The following FRMD4A variants were observed in gnomAD, a reference collection of about 807,000 sequenced individuals.
FRMD4A encodes FERM domain containing 4A.
Under a neutral mutation model 129.1 loss-of-function variants are expected in FRMD4A, and 29 were observed. That is an observed-to-expected ratio of 0.22 (90% CI 0.17 to 0.31). The LOEUF (loss-of-function observed/expected upper bound fraction) is 0.31, where lower values mean the gene tolerates loss of function less well. Ranked by LOEUF, FRMD4A falls within the 10% of genes least tolerant of loss-of-function variation. The pLI is 1.00. For missense variants in FRMD4A, 1,272 were observed against 1,375.8 expected, an observed-to-expected ratio of 0.92 and a Z score of 1.19; for synonymous variants, 634 against 571.6, an observed-to-expected ratio of 1.11 and a Z score of -1.56.
intron 2 of FRMD4A, among the ~76,000 whole-genome samples, chr10:14,019,367 C>T (rs375743933): frequency 2.6e-5 from 4 of 152,198 alleles, no homozygotes; most frequent in South Asian, 2.1e-4. Context: ...ATTATCAACT[C>T]CAGGAAAAAC....
chr10:14,230,319 C>T (rs374642073), intron 2 of FRMD4A, among the ~76,000 whole-genome samples: 3 of 152,176 alleles, frequency 2.0e-5, no homozygotes, highest in South Asian at 2.1e-4. Flanking sequence ...TTCCTGTAGA[C>T]CTGGGTTTGA....
At chr10:13,891,493 A>ATACG in intron 2 of FRMD4A, 1 of 588,018 alleles carries the variant, frequency 1.7e-6, no homozygotes, top group Non-Finnish European at 2.1e-6. Flanking sequence ...CGCGAAATAA[A>ATACG]CGACTCCAGG....
intron 18 of FRMD4A, among the ~76,000 whole-genome samples, chr10:13,663,856 C>T (rs534130809): frequency 2.0e-5 from 3 of 152,260 alleles, no homozygotes; most frequent in African/African-American, 4.8e-5. Context: ...AAACCCAGGG[C>T]GTGTACCAGC....
chr10:13,862,869 C>G (rs946939334), intron 2 of FRMD4A, among the ~76,000 whole-genome samples: 2 of 152,068 alleles, frequency 1.3e-5, no homozygotes, highest in African/African-American at 4.8e-5. Flanking sequence ...TTGCCAGGCA[C>G]TCTGAAGTTT....
intron 4 of FRMD4A, among the ~76,000 whole-genome samples, chr10:13,804,620 T>G (rs7393441): frequency 2.0e-5 from 3 of 151,660 alleles, no homozygotes; most frequent in Non-Finnish European, 4.4e-5. Flanking sequence ...CTTGGCTCAC[T>G]GCAATCTCCC....
In FRMD4A at chr10:14,042,242, C is replaced by T. The variant is rs139204295; in HGVS notation, c.46-183330G>A. 2.7e-3 allele frequency among the ~76,000 whole-genome samples: 409 copies of T among 152,344 alleles called. 3 individuals carry two copies. The highest frequency in any genetic ancestry group is 9.3e-3 in the African/African-American group (386 of 41,576). On this transcript the variant is annotated intron_variant, in intron 2 of 24. Coordinates refer to ENST00000357447, the MANE Select transcript of FRMD4A (RefSeq NM_018027.5). Reference sequence around the variant, plus strand: ...GCAAGCATTAGGTCATAGCCTGTTCCTCTTCCTTATTTGAAGTTGTTTTTA... The same window carrying T: ...GCAAGCATTAGGTCATAGCCTGTTCTTCTTCCTTATTTGAAGTTGTTTTTA...
At chr10:13,868,452 A>G (rs2094400932) in intron 2 of FRMD4A, among the ~76,000 whole-genome samples, 1 of 151,922 alleles carries the variant, frequency 6.6e-6, no homozygotes, top group South Asian at 2.1e-4. Flanking sequence ...TTGCTCTATG[A>G]CCTCTGGCAA....
chr10:13,649,643 T>C (rs1236560901), intron 24 of FRMD4A: 1 of 152,266 alleles, frequency 6.6e-6, no homozygotes, highest in African/African-American at 2.4e-5. Context: ...TTGAAGTACG[T>C]AAGGTATTTT....
At chr10:14,098,824 G>A (rs946616513) in intron 2 of FRMD4A, among the ~76,000 whole-genome samples, 1 of 152,132 alleles carries the variant, frequency 6.6e-6, no homozygotes, top group African/African-American at 2.4e-5. Flanking sequence ...TCACACCATG[G>A]ACCCGACCTG....
chr10:13,864,959 T>A (rs1303678734), intron 2 of FRMD4A, among the ~76,000 whole-genome samples: 1 of 152,074 alleles, frequency 6.6e-6, no homozygotes, highest in Non-Finnish European at 1.5e-5. Flanking sequence ...GTTTAGAATG[T>A]TTTTGTTTCA....
At chr10:13,687,331 T>C (rs1033209698) in intron 15 of FRMD4A, among the ~76,000 whole-genome samples, 2 of 152,168 alleles carry the variant, frequency 1.3e-5, no homozygotes, top group African/African-American at 4.8e-5. Context: ...AGCTGTTCTC[T>C]GATGGCAAAT....
At chr10:13,888,843 C>A (rs2131155599) in intron 2 of FRMD4A, among the ~76,000 whole-genome samples, 1 of 152,338 alleles carries the variant, frequency 6.6e-6, no homozygotes, top group South Asian at 2.1e-4. Flanking sequence ...ATGTCTATTT[C>A]TCATTTTGAC....
chr10:13,804,647 C>A (rs999572863), intron 4 of FRMD4A, among the ~76,000 whole-genome samples: 1 of 151,700 alleles, frequency 6.6e-6, no homozygotes, highest in Non-Finnish European at 1.5e-5. Flanking sequence ...CGGGTTCAAG[C>A]AATTCTCCTG....
At chr10:13,670,564 A>C in intron 16 of FRMD4A, 36 bp from the exon 17 acceptor site, 2 of 1,603,664 alleles carry the variant, frequency 1.2e-6, no homozygotes, top group Non-Finnish European at 1.7e-6. Flanking sequence ...GTGAGCACAA[A>C]TCAGAGTGGG....
Position 13,647,050 on chromosome 10 carries a change from A to G in FRMD4A, c.*3-15T>C, listed in dbSNP as rs2134321392. Reference sequence around the variant, plus strand: ...CATTGTAGCTCCTGTGGGAGGCCCAAGAAAGGAGATGAGACAGTTAGTTAG... The same window carrying G: ...CATTGTAGCTCCTGTGGGAGGCCCAGGAAAGGAGATGAGACAGTTAGTTAG... On this transcript the variant is annotated splice_polypyrimidine_tract_variant and intron_variant, in intron 24 of 24. Coordinates refer to ENST00000357447, the MANE Select transcript of FRMD4A (RefSeq NM_018027.5). 1.8e-5 allele frequency: 14 copies of G among 777,226 alleles called. No homozygotes were observed. The highest frequency in any genetic ancestry group is 2.2e-5 in the Non-Finnish European group (14 of 639,924). 48.1% of individuals were successfully genotyped at this position (777,226 alleles called of 1,614,324 possible).
At chr10:13,675,799 T>C (rs1243958942) in intron 15 of FRMD4A, 2 of 152,140 alleles carry the variant, frequency 1.3e-5, no homozygotes, top group Admixed American at 6.5e-5. Context: ...ACCCTGAAAA[T>C]GTAGACAGGT....
intron 2 of FRMD4A, among the ~76,000 whole-genome samples, chr10:14,243,168 A>G (rs1375236040): frequency 1.3e-5 from 2 of 152,238 alleles, no homozygotes; most frequent in East Asian, 3.8e-4. Context: ...TGAGAACATT[A>G]TGCTGAATGA....
At chr10:14,055,372 T>A (rs1328381361) in intron 2 of FRMD4A, among the ~76,000 whole-genome samples, 1 of 151,890 alleles carries the variant, frequency 6.6e-6, no homozygotes, top group African/African-American at 2.4e-5. Context: ...TGTGCAATAA[T>A]AGAAGGTAAG....
At chr10:13,685,483 A>T (rs1337105532) in intron 15 of FRMD4A, 1 of 984,684 alleles carries the variant, frequency 1.0e-6, no homozygotes, top group Non-Finnish European at 1.2e-6. Context: ...CTGTGAAATG[A>T]GGGAGCTGAC....
Sources: gnomAD v4.1 joint callset for allele counts (sites outside exome capture counted in the v4.1 genomes callset) on GRCh38, gnomAD v4.1.1 for gene constraint, MANE v1.5 for transcripts, NCBI Gene and HGNC (gene_info 2026-07-23, HGNC 2026-07-21) for gene names.